Variants in DLG2 observed in about 807,000 individuals in gnomAD.
DLG2 encodes disks large homolog 2.
Under a neutral mutation model 132.5 loss-of-function variants are expected in DLG2, and 45 were observed. The observed-to-expected ratio is 0.34, with a 90% CI of 0.27 to 0.44. DLG2 has a LOEUF of 0.44. Ranked by LOEUF, DLG2 falls within the 20% of genes least tolerant of loss-of-function variation. The pLI, the probability that DLG2 is intolerant of heterozygous loss-of-function variation, is 1.00. For missense variants in DLG2, 1,045 were observed against 1,196.9 expected (o/e 0.87, Z 1.87); for synonymous variants, 424 against 419.6 (o/e 1.01, Z -0.13).
chr11:83,994,157 A>C (rs189994620), intron 11 of DLG2, among the ~76,000 whole-genome samples: 217 of 152,300 alleles, frequency 1.4e-3, no homozygotes, highest in Admixed American at 4.3e-3. Flanking sequence ...TAGAATTAGA[A>C]TATAGTTATT....
intron 3 of DLG2, among the ~76,000 whole-genome samples, chr11:85,476,117 G>A (rs1387831955): frequency 6.6e-6 from 1 of 152,068 alleles, no homozygotes; most frequent in Non-Finnish European, 1.5e-5. Flanking sequence ...TAGGCTACAT[G>A]GTATAGCCTA....
At position 84,854,321 on chromosome 11, in the gene DLG2, T is replaced by A. The variant is rs533494543; in HGVS notation, c.357+257340A>T. On this transcript the variant is annotated intron_variant, in intron 6 of 27. Transcript: ENST00000376104. ...CATGGAAAAGTTTTTCTTTTTTTTT[T>A]AAACCCCTCTGAGCATCAGTTTCCT... Among the ~76,000 whole-genome samples, 8 of 151,664 alleles carry A rather than the reference T, an allele frequency of 5.3e-5. 1 individual carries two copies. In the South Asian group the frequency reaches 6.3e-4, roughly 12 times the overall value.
rs140245101 is a variant in DLG2, at chr11:84,438,184, C to G, written c.519+96386G>C. 3.9e-3 allele frequency among the ~76,000 whole-genome samples: 600 copies of G among 152,266 alleles called. 7 individuals are homozygous for G. Among genetic ancestry groups the G allele is most frequent in the African/African-American group, 0.013 (558 of 41,548 alleles). ...TTTCTCCTCCCCAGCTCCATTTGGT[C>G]CAAGGAATATCACTTCTCTGCCCAC... On this transcript the variant is annotated intron_variant, in intron 7 of 27. Transcript: ENST00000376104.
chr11:84,037,989 A>G (rs898718509), intron 11 of DLG2, among the ~76,000 whole-genome samples: 2 of 151,894 alleles, frequency 1.3e-5, no homozygotes, highest in African/African-American at 4.8e-5. Context: ...TTTTATTTTA[A>G]GTTCAGGAGT....
intron 6 of DLG2, among the ~76,000 whole-genome samples, chr11:84,568,915 G>A (rs1160652218): frequency 6.6e-6 from 1 of 152,144 alleles, no homozygotes; most frequent in African/African-American, 2.4e-5. Flanking sequence ...GGAGCATAAC[G>A]TATTTCACCT....
chr11:85,111,737 T>G lies in DLG2; in HGVS notation c.283-2A>C. On this transcript the variant is annotated splice_acceptor_variant, in intron 5 of 27. Transcript: ENST00000376104. LOFTEE classifies it high-confidence loss of function. ...GGCTGGGCATCTGCCTTGGTTTTGC[T>G]GCAAATAAGTAAAAATTATATTATA... is the stretch of plus-strand genomic sequence containing the variant. 1 of 1,552,296 alleles carries G rather than the reference T, an allele frequency of 6.4e-7. No individual in the cohort carries two copies. The highest frequency in any genetic ancestry group is 8.7e-7 in the Non-Finnish European group (1 of 1,147,126).
chr11:84,275,508 C>A (rs534303706), intron 7 of DLG2, among the ~76,000 whole-genome samples: 3 of 152,320 alleles, frequency 2.0e-5, no homozygotes, highest in African/African-American at 7.2e-5. Context: ...GCACCCGCCA[C>A]CATGCCCAGC....
At chr11:84,690,108 G>T (rs896840769) in intron 6 of DLG2, among the ~76,000 whole-genome samples, 1 of 151,850 alleles carries the variant, frequency 6.6e-6, no homozygotes, top group Non-Finnish European at 1.5e-5. Flanking sequence ...TGAGGTGGTC[G>T]GGATGGGGTT....
At chr11:85,118,561 G>C (rs562038035) in intron 5 of DLG2, among the ~76,000 whole-genome samples, 1 of 151,952 alleles carries the variant, frequency 6.6e-6, no homozygotes, top group Non-Finnish European at 1.5e-5. Flanking sequence ...GATATTTCAG[G>C]GTATCAATGG....
intron 6 of DLG2, among the ~76,000 whole-genome samples, chr11:84,597,448 C>T (rs1365611109): frequency 6.6e-6 from 1 of 151,918 alleles, no homozygotes; most frequent in Admixed American, 6.6e-5. Flanking sequence ...TGCTAGAATC[C>T]AAAAATTATG....
At chr11:84,701,119 T>C (rs1166958547) in intron 6 of DLG2, among the ~76,000 whole-genome samples, 1 of 151,654 alleles carries the variant, frequency 6.6e-6, no homozygotes. Flanking sequence ...CCACTCCCAA[T>C]CACAGTTGAC....
At chr11:84,597,759 A>G (rs1021914184) in intron 6 of DLG2, among the ~76,000 whole-genome samples, 1 of 152,188 alleles carries the variant, frequency 6.6e-6, no homozygotes, top group Non-Finnish European at 1.5e-5. Context: ...CAATTACAGC[A>G]TCAGTAAAAG....
chr11:84,816,577 G>T (rs968840600), intron 6 of DLG2, among the ~76,000 whole-genome samples: 1 of 151,820 alleles, frequency 6.6e-6, no homozygotes, highest in Non-Finnish European at 1.5e-5. Flanking sequence ...GCAAGAATCT[G>T]TACTATGTAC....
At chr11:84,211,601 G>T (rs956368824) in intron 8 of DLG2, among the ~76,000 whole-genome samples, 1 of 151,992 alleles carries the variant, frequency 6.6e-6, no homozygotes, top group Non-Finnish European at 1.5e-5. Flanking sequence ...TATAATAAAT[G>T]CATGCCCACT....
chr11:84,459,032 G>A (rs982727923), intron 7 of DLG2, among the ~76,000 whole-genome samples: 1 of 150,582 alleles, frequency 6.6e-6, no homozygotes, highest in Non-Finnish European at 1.5e-5. Flanking sequence ...AGTAAATGAT[G>A]GAGTCAGAGT....
chr11:85,596,397 T>A (rs967467097), intron 3 of DLG2, among the ~76,000 whole-genome samples: 5 of 152,022 alleles, frequency 3.3e-5, no homozygotes, highest in Admixed American at 6.6e-5. Context: ...CAAAAATAAA[T>A]AAAACAAAAT....
At chr11:83,815,316 A>T (rs2048546379) in intron 17 of DLG2, 1 of 152,298 alleles carries the variant, frequency 6.6e-6, no homozygotes, top group Non-Finnish European at 1.5e-5. Flanking sequence ...TCATCCCTCA[A>T]GTCTTTTAAT....
At chr11:84,601,787 CAT>C (rs2099577043) in intron 6 of DLG2, among the ~76,000 whole-genome samples, 2 of 151,962 alleles carry the variant, frequency 1.3e-5, no homozygotes, top group East Asian at 3.9e-4. Context: ...CTTGAATAAT[CAT>C]GACTATAGAT....
intron 10 of DLG2, among the ~76,000 whole-genome samples, chr11:84,077,577 G>A (rs981151859): frequency 6.6e-6 from 1 of 152,120 alleles, no homozygotes; most frequent in Non-Finnish European, 1.5e-5. Context: ...TGCTATTTTT[G>A]CATGTTTTAG....
Sources: allele counts gnomAD v4.1 joint callset (sites outside exome capture counted in the v4.1 genomes callset), GRCh38; gene constraint gnomAD v4.1.1; transcripts MANE v1.5; gene names NCBI Gene and HGNC (gene_info 2026-07-23, HGNC 2026-07-21).